The following TGFBR2 variants were observed in gnomAD, a reference collection of about 807,000 sequenced individuals.
TGFBR2 encodes the protein TGF-beta receptor type-2.
Under a neutral mutation model 49.0 loss-of-function variants are expected in TGFBR2, and 18 were observed. That is an observed-to-expected ratio of 0.37 (90% CI 0.25 to 0.54). The LOEUF is 0.54. Ranked by LOEUF, TGFBR2 falls within the 20% of genes least tolerant of loss-of-function variation. The probability of loss-of-function intolerance (pLI) is 0.85; values close to 1 mark genes in which losing one functional copy is unlikely to be tolerated. For missense variants in TGFBR2, 525 were observed against 722.6 expected, an observed-to-expected ratio of 0.73 and a Z score of 3.13; for synonymous variants, 282 against 275.9, an observed-to-expected ratio of 1.02 and a Z score of -0.22.
intron 3 of TGFBR2, among the ~76,000 whole-genome samples, chr3:30,667,508 A>G (rs1217362193): frequency 6.6e-6 from 1 of 152,120 alleles, no homozygotes; most frequent in Non-Finnish European, 1.5e-5. Flanking sequence ...TCCCCCTCAA[A>G]TTTTTTAAGT....
chr3:30,647,713 G>A (rs1273164830), intron 2 of TGFBR2, among the ~76,000 whole-genome samples: 3 of 151,932 alleles, frequency 2.0e-5, no homozygotes, highest in African/African-American at 7.2e-5. Flanking sequence ...GTCTCCCACT[G>A]TTGCCCAGGC....
intron 2 of TGFBR2, among the ~76,000 whole-genome samples, chr3:30,647,486 AG>A (rs1698765017): frequency 6.6e-6 from 1 of 152,142 alleles, no homozygotes; most frequent in Non-Finnish European, 1.5e-5. Context: ...AAAAATAGCC[AG>A]TGTGGAAACT....
intron 2 of TGFBR2, among the ~76,000 whole-genome samples, chr3:30,646,947 CT>C (rs1698753104): frequency 6.6e-6 from 1 of 152,182 alleles, no homozygotes; most frequent in South Asian, 2.1e-4. Context: ...CCTGTCTTTT[CT>C]GTGTCCCAGC....
At chr3:30,640,000 C>G (rs1698614914) in intron 1 of TGFBR2, among the ~76,000 whole-genome samples, 1 of 152,048 alleles carries the variant, frequency 6.6e-6, no homozygotes, top group Non-Finnish European at 1.5e-5. Context: ...CTCATCTGAC[C>G]CTCAAAGACA....
intron 3 of TGFBR2, among the ~76,000 whole-genome samples, chr3:30,665,543 C>T (rs911649792): frequency 3.3e-5 from 5 of 152,204 alleles, no homozygotes; most frequent in African/African-American, 7.2e-5. Context: ...GGCTTCTCCT[C>T]AAATTCTACA....
In TGFBR2 at chr3:30,693,432, A is replaced by C. The variant is rs1803446; in HGVS notation, c.*1833A>C. 5,623 of 233,698 alleles carry C rather than the reference A, an allele frequency of 0.024. 107 individuals are homozygous for C. Among genetic ancestry groups the C allele is most frequent in the Non-Finnish European group, 0.036 (4,257 of 117,972 alleles). 14.5% of individuals were successfully genotyped at this position (233,698 alleles called of 1,614,324 possible). A position where few individuals can be genotyped will look rare whatever the true frequency, so the allele number is the denominator to read the frequency against. On this transcript the variant is annotated 3_prime_UTR_variant, in exon 7 of 7. Coordinates refer to ENST00000295754, the MANE Select transcript of TGFBR2 (RefSeq NM_003242.6). ...AATGCTGCAAGTAATCTCTTTTTTA[A>C]AACTTTTTGAAGCTACTTATTTTCA...
At chr3:30,634,244 G>A (rs1279778707) in intron 1 of TGFBR2, among the ~76,000 whole-genome samples, 1 of 152,138 alleles carries the variant, frequency 6.6e-6, no homozygotes, top group Non-Finnish European at 1.5e-5. Flanking sequence ...TTCTCTAATA[G>A]TCACTATCTT....
chr3:30,617,798 A>G (rs1170928429), intron 1 of TGFBR2, among the ~76,000 whole-genome samples: 1 of 152,148 alleles, frequency 6.6e-6, no homozygotes, highest in East Asian at 1.9e-4. Context: ...ATTTATTGGA[A>G]ATGAGGATTG....
upstream of TGFBR2, chr3:30,606,540 C>G (rs886058298): frequency 1.1e-5 from 3 of 277,894 alleles, no homozygotes; most frequent in African/African-American, 6.4e-5. Flanking sequence ...GAGGTCCTGC[C>G]CAGCTGTTGG....
intron 2 of TGFBR2, among the ~76,000 whole-genome samples, chr3:30,648,749 G>GCAGA (rs920368608): frequency 3.3e-5 from 5 of 152,050 alleles, no homozygotes; most frequent in Admixed American, 1.3e-4. Flanking sequence ...CCCTTCACAA[G>GCAGA]CAGACACATG....
chr3:30,639,812 A>G (rs1698612504), intron 1 of TGFBR2, among the ~76,000 whole-genome samples: 2 of 152,244 alleles, frequency 1.3e-5, no homozygotes, highest in Non-Finnish European at 2.9e-5. Flanking sequence ...TGATACACGA[A>G]TGCATGAATT....
intron 1 of TGFBR2, among the ~76,000 whole-genome samples, chr3:30,629,953 GC>G (rs926457497): frequency 1.2e-4 from 19 of 152,122 alleles, no homozygotes; most frequent in African/African-American, 4.6e-4. Context: ...GGAGGGAACA[GC>G]AAGTACAGTG....
rs146030104 is a variant in TGFBR2, at chr3:30,672,098, C to T, written c.915C>T (p.Leu305=). 83 of 1,614,224 alleles carry T rather than the reference C, an allele frequency of 5.1e-5. No individual in the cohort carries two copies. The African/African-American group carries it at 9.7e-4, about 19-fold the overall frequency. ...TCAATCTGAAGCATGAGAACATACT[C>T]CAGTTCCTGACGGCTGAGGAGCGGA... The part of the protein sequence containing the change: ...SDINLKHENI[L]QFLTAEERKT... Residue 305 remains leucine, a synonymous_variant, in exon 4 of 7, where the codon CTC becomes CTT. Coordinates refer to ENST00000295754, the MANE Select transcript of TGFBR2 (RefSeq NM_003242.6). The surrounding 1 kb of genome is among the most constrained non-coding windows in gnomAD (Gnocchi z 4.5).
chr3:30,628,654 G>A (rs1698382003), intron 1 of TGFBR2, among the ~76,000 whole-genome samples: 2 of 149,824 alleles, frequency 1.3e-5, no homozygotes, highest in South Asian at 4.2e-4. Flanking sequence ...CATTGAAATG[G>A]GGCTTAATAA....
At chr3:30,669,320 T>C (rs114400944) in intron 3 of TGFBR2, among the ~76,000 whole-genome samples, 35 of 151,902 alleles carry the variant, frequency 2.3e-4, no homozygotes, top group African/African-American at 7.0e-4. Flanking sequence ...GACTGGGGTA[T>C]ATAACCTGGG....
intron 1 of TGFBR2, among the ~76,000 whole-genome samples, chr3:30,613,645 A>C (rs2125445480): frequency 6.6e-6 from 1 of 152,200 alleles, no homozygotes; most frequent in African/African-American, 2.4e-5. Flanking sequence ...AGGAAGGCAA[A>C]TTGATTACCA....
At chr3:30,678,157 T>C (rs919702527) in intron 5 of TGFBR2, among the ~76,000 whole-genome samples, 1 of 152,148 alleles carries the variant, frequency 6.6e-6, no homozygotes, top group East Asian at 1.9e-4. Flanking sequence ...TCTGTGTGCT[T>C]GTGGGATCAT....
chr3:30,644,864 G>T lies in TGFBR2; in HGVS notation c.212G>T (p.Cys71Phe). 1 of 1,614,170 alleles carries T rather than the reference G, an allele frequency of 6.2e-7. No individual in the cohort carries two copies. Among genetic ancestry groups the T allele is most frequent in the Non-Finnish European group, 8.5e-7 (1 of 1,180,006 alleles). ...AACCAGAAATCCTGCATGAGCAACT[G>T]CAGCATCACCTCCATCTGTGAGAAG... ...CDNQKSCMSN[C>F]SITSICEKPQ... Residue 71 changes from cysteine (C) to phenylalanine (F), a missense_variant, in exon 2 of 7, where the codon TGC becomes TTC. Physicochemically the swap from Cys to Phe is radical, Grantham distance 205. Transcript: ENST00000295754.
chr3:30,654,688 C>A (rs557024819), intron 3 of TGFBR2, among the ~76,000 whole-genome samples: 6 of 152,274 alleles, frequency 3.9e-5, no homozygotes, highest in African/African-American at 1.4e-4. Flanking sequence ...TCAGACGAGA[C>A]CTGATGGGCA....
Sources: gnomAD v4.1 joint callset for allele counts (sites outside exome capture counted in the v4.1 genomes callset) on GRCh38, gnomAD v4.1.1 for gene constraint, Gnocchi (gnomAD v3.1) non-coding constraint, MANE v1.5 for transcripts, NCBI Gene and HGNC (gene_info 2026-07-23, HGNC 2026-07-21) for gene names.